The following DEPDC7 variants were observed in gnomAD, a reference collection of about 807,000 sequenced individuals.
DEPDC7 encodes the protein DEP domain containing 7, also known as DEP domain-containing protein 7.
A neutral mutation model predicts 56.6 loss-of-function variants in DEPDC7; 41 were observed. The ratio of observed to expected loss-of-function variants is 0.72; its 90% CI spans 0.56 to 0.94. The LOEUF (loss-of-function observed/expected upper bound fraction) is 0.94, where lower values mean the gene tolerates loss of function less well. Ranked by LOEUF, DEPDC7 falls within the 40% of genes least tolerant of loss-of-function variation. The pLI, the probability that DEPDC7 is intolerant of heterozygous loss-of-function variation, is 0.00. For missense variants in DEPDC7, 522 were observed against 596.3 expected (o/e 0.88, Z 1.30); for synonymous variants, 185 against 208.8 (o/e 0.89, Z 0.98).
At chr11:33,016,314 C>A (rs1853460197) in intron 1 of DEPDC7, 1 of 1,394,510 alleles carries the variant, frequency 7.2e-7, no homozygotes, top group East Asian at 2.7e-5. Flanking sequence ...GTCTGTGCGC[C>A]CGCTAACGTG....
Position 33,031,521 on chromosome 11 carries a change from A to G in DEPDC7, c.926A>G (p.Tyr309Cys), listed in dbSNP as rs745799257. The stretch of plus-strand genomic sequence containing the variant: ...CTTCTGTTTGATGCCATTGGCAGAT[A>G]TTACAGTAGTAGGGAACCTCTGTTA... ...KELLFDAIGR[Y>C]YSSREPLLNH... The change falls in exon 5 of 9, where the codon TAT becomes TGT. Residue 309 changes from tyrosine (Y) to cysteine (C), a missense_variant. By Grantham distance (194) the Tyr-to-Cys change is radical. Coordinates refer to ENST00000241051, the MANE Select transcript of DEPDC7 (RefSeq NM_001077242.2). The G allele has an allele frequency of 3.1e-6, 5 of 1,614,178 alleles. No individual in the cohort carries two copies. In the South Asian group the frequency reaches 5.5e-5, roughly 18 times the overall value.
chr11:33,032,402 A>G lies in DEPDC7; in HGVS notation c.1061A>G (p.Asn354Ser), dbSNP rs1409263890. The G allele has an allele frequency of 5.1e-6, 8 of 1,580,828 alleles. No homozygotes were observed. In the South Asian group the frequency reaches 7.1e-5, roughly 14 times the overall value. ...QLLLKLLDFQ[N>S]REEFRRLLYF... is the part of the protein sequence containing the mutation. ...CTTCTAAAGCTTTTAGATTTCCAAA[A>G]TAGAGAAGAATTTAGAAGACTACTG... The change falls in exon 6 of 9, where the codon AAT (asparagine) becomes AGT (serine). Residue 354 changes from asparagine to serine, a missense_variant. Asn to Ser is a conservative substitution (Grantham distance 46). Coordinates refer to ENST00000241051, the MANE Select transcript of DEPDC7 (RefSeq NM_001077242.2).
At chr11:33,030,688 A>G (rs372849193) in intron 4 of DEPDC7, among the ~76,000 whole-genome samples, 24 of 152,100 alleles carry the variant, frequency 1.6e-4, no homozygotes, top group African/African-American at 5.8e-4. Context: ...GGTTCAAGCA[A>G]TTCTCCCACC....
intron 1 of DEPDC7, among the ~76,000 whole-genome samples, chr11:33,023,252 T>C (rs1376808629): frequency 6.6e-6 from 1 of 151,926 alleles, no homozygotes; most frequent in African/African-American, 2.4e-5. Context: ...AAAATCTTGC[T>C]GATCATTTTA....
chr11:33,026,042 C>T lies in DEPDC7; in HGVS notation c.457C>T (p.Pro153Ser), dbSNP rs771468155. 2.5e-6 allele frequency: 4 copies of T among 1,613,776 alleles called. No homozygotes were observed. The highest frequency in any genetic ancestry group is 2.5e-6 in the Non-Finnish European group (3 of 1,179,990). Residue 153 changes from proline to serine, a missense_variant, in exon 2 of 9, where the codon CCT becomes TCT. Transcript: ENST00000241051. ...QLGKENKLYS[P>S]ARYADALFKS... ...AGGCAAAGAGAACAAACTATATTCA[C>T]CTGCCAGGTTGGTATATAATGTTAG...
In DEPDC7 at chr11:33,032,889, A is replaced by G; in HGVS notation, c.1264A>G (p.Ile422Val). The G allele has an allele frequency of 6.3e-7, 1 of 1,599,956 alleles. No homozygotes were observed. Among genetic ancestry groups the G allele is most frequent in the Non-Finnish European group, 8.5e-7 (1 of 1,174,680 alleles). ...TCCCATGTCCCTTCTTTTTCTTAAG[A>G]TTCCTGGAACTCTACATAAAATTGT... ...LMDHQKDVFKIPGTLHKIVSV... is the reference protein window; with the variant it reads ...LMDHQKDVFKVPGTLHKIVSV... The change falls in exon 8 of 9, where the codon ATT becomes GTT. Residue 422 changes from isoleucine to valine, a missense_variant and splice_region_variant. Transcript: ENST00000241051.
rs764600089 is a variant in DEPDC7 at position 33,026,062 on chromosome 11, T to C, written c.464+13T>C. ...ATTCACCTGCCAGGTTGGTATATAA[T>C]GTTAGATTATCACGGGAATATTGGC... On this transcript the variant is annotated intron_variant, in intron 2 of 8. Transcript: ENST00000241051. 1 of 1,613,384 alleles carries C rather than the reference T, an allele frequency of 6.2e-7. No individual in the cohort carries two copies. The highest frequency in any genetic ancestry group is 1.7e-5 in the Admixed American group (1 of 60,024).
At chr11:33,027,852 A>G (rs1458012866) in intron 3 of DEPDC7, 39 bp downstream of exon 3, 1 of 1,480,096 alleles carries the variant, frequency 6.8e-7, no homozygotes, top group Middle Eastern at 1.7e-4. Context: ...GTAGAAGACA[A>G]ACTTCAAAGT....
intron 1 of DEPDC7, among the ~76,000 whole-genome samples, chr11:33,022,615 C>G (rs1273721607): frequency 1.3e-5 from 2 of 152,072 alleles, no homozygotes; most frequent in African/African-American, 4.8e-5. Context: ...TATTTTAAAT[C>G]TTATTTATAA....
At chr11:33,019,298 A>G (rs1853498500) in intron 1 of DEPDC7, among the ~76,000 whole-genome samples, 1 of 152,204 alleles carries the variant, frequency 6.6e-6, no homozygotes, top group Admixed American at 6.5e-5. Context: ...GTGACAATCA[A>G]AAATGTCTCC....
At chr11:33,030,582 A>G (rs1439242541) in intron 4 of DEPDC7, among the ~76,000 whole-genome samples, 2 of 152,050 alleles carry the variant, frequency 1.3e-5, no homozygotes, top group Non-Finnish European at 2.9e-5. Flanking sequence ...ATATTTAATT[A>G]TTTTGTTGGT....
chr11:33,016,294 C>T (rs1853459990), intron 1 of DEPDC7: 3 of 1,398,122 alleles, frequency 2.1e-6, no homozygotes, highest in South Asian at 3.5e-5. Context: ...CTCAACTTGA[C>T]CGCGCGTTGG....
intron 4 of DEPDC7, among the ~76,000 whole-genome samples, chr11:33,029,251 A>G (rs1853608760): frequency 6.6e-6 from 1 of 151,634 alleles, no homozygotes; most frequent in Non-Finnish European, 1.5e-5. Context: ...TAATCCTAGC[A>G]CTTTGGGAGG....
intron 1 of DEPDC7, chr11:33,016,436 C>A: frequency 6.4e-7 from 1 of 1,561,884 alleles, no homozygotes; most frequent in South Asian, 1.2e-5. Flanking sequence ...CAAACCTTGA[C>A]GACACAGTAT....
At chr11:33,024,578 C>T (rs1853557852) in intron 1 of DEPDC7, among the ~76,000 whole-genome samples, 1 of 152,110 alleles carries the variant, frequency 6.6e-6, no homozygotes. Flanking sequence ...TGCTACACAC[C>T]TAGGCTATGT....
At chr11:33,025,617 A>G in intron 1 of DEPDC7, 42 bp from the exon 2 acceptor site, 1 of 1,555,500 alleles carries the variant, frequency 6.4e-7, no homozygotes, top group South Asian at 1.2e-5. Context: ...CAAATGAACA[A>G]GGTACTAAAT....
intron 4 of DEPDC7, among the ~76,000 whole-genome samples, chr11:33,030,979 T>C (rs1438325033): frequency 3.3e-5 from 5 of 152,174 alleles, no homozygotes; most frequent in Non-Finnish European, 5.9e-5. Context: ...GTAAGCAACA[T>C]TGTGTTGGAG....
intron 1 of DEPDC7, among the ~76,000 whole-genome samples, chr11:33,019,352 G>A (rs762283575): frequency 2.7e-4 from 41 of 152,198 alleles, no homozygotes; most frequent in Middle Eastern, 3.4e-3. Flanking sequence ...GAGAACCACT[G>A]GGTTAACCTT....
At chr11:33,018,042 T>C (rs1564962706) in intron 1 of DEPDC7, among the ~76,000 whole-genome samples, 1 of 152,234 alleles carries the variant, frequency 6.6e-6, no homozygotes, top group South Asian at 2.1e-4. Context: ...CTGATAATTC[T>C]CGTAGATATT....
Sources: gnomAD v4.1 joint callset for allele counts (sites outside exome capture counted in the v4.1 genomes callset) on GRCh38, gnomAD v4.1.1 for gene constraint, MANE v1.5 for transcripts, NCBI Gene and HGNC (gene_info 2026-07-23, HGNC 2026-07-21) for gene names.